The following RGS5 variants were observed in gnomAD, a reference collection of about 807,000 sequenced individuals.
The protein encoded by RGS5 is regulator of G-protein signalling 5.
RGS5 carries 20 observed loss-of-function variants against 18.9 expected under a neutral mutation model. The ratio of observed to expected loss-of-function variants is 1.06; its 90% CI spans 0.74 to 1.54. RGS5 has a LOEUF of 1.54. Among genes scored for constraint, RGS5 ranks in the 40% most tolerant of loss-of-function variants. RGS5 has a pLI of 0.00. For synonymous variants in RGS5, 57 were observed against 76.2 expected (o/e 0.75, Z 1.31); for missense variants, 201 against 211.8 (o/e 0.95, Z 0.32).
chr1:163,275,295 A>G (rs534961707), intron 2 of RGS5, among the ~76,000 whole-genome samples: 1 of 151,504 alleles, frequency 6.6e-6, no homozygotes, highest in Non-Finnish European at 1.5e-5. Context: ...AGGACATTCA[A>G]TAAATCTTCT....
chr1:163,249,182 C>G (rs1648031185), intron 2 of RGS5, among the ~76,000 whole-genome samples: 1 of 151,154 alleles, frequency 6.6e-6, no homozygotes. Flanking sequence ...GATGGAGAAA[C>G]TGGAAGTATT....
At chr1:163,167,853 TAG>T (rs1440025732) in intron 2 of RGS5, among the ~76,000 whole-genome samples, 1 of 152,120 alleles carries the variant, frequency 6.6e-6, no homozygotes, top group African/African-American at 2.4e-5. Context: ...GAAGCAGCTT[TAG>T]ATAGTTCATC....
chr1:163,180,372 C>G (rs551653082), intron 1 of RGS5, among the ~76,000 whole-genome samples: 142 of 152,274 alleles, frequency 9.3e-4, no homozygotes, highest in African/African-American at 3.3e-3. Flanking sequence ...TGCCCATTTT[C>G]CTCTTCCTAT....
At chr1:163,218,630 AAATTTATGT>A (rs1438440404), upstream of RGS5, among the ~76,000 whole-genome samples, 2 of 152,030 alleles carry the variant, frequency 1.3e-5, no homozygotes, top group African/African-American at 4.8e-5. Flanking sequence ...TAGTAAAAAA[AAATTTATGT>A]AAAAATATTC....
chr1:163,220,299 T>C (rs901574318), upstream of RGS5, among the ~76,000 whole-genome samples: 5 of 147,516 alleles, frequency 3.4e-5, no homozygotes, highest in African/African-American at 5.0e-5. Flanking sequence ...TAAATGTTTT[T>C]TTCTGCATCC....
chr1:163,151,676 G>A (rs553531667), intron 4 of RGS5, among the ~76,000 whole-genome samples: 2 of 152,314 alleles, frequency 1.3e-5, no homozygotes, highest in South Asian at 4.2e-4. Context: ...ACCCTGTGAA[G>A]AGGTGCCTTC....
chr1:163,271,537 G>T (rs1213635252), intron 2 of RGS5, among the ~76,000 whole-genome samples: 1 of 152,118 alleles, frequency 6.6e-6, no homozygotes, highest in African/African-American at 2.4e-5. Flanking sequence ...AGAACCATGA[G>T]AAATAAATTT....
At chr1:163,161,826 G>T in intron 3 of RGS5, 89 bp downstream of exon 3, 1 of 971,802 alleles carries the variant, frequency 1.0e-6, no homozygotes, top group Admixed American at 1.9e-5. Context: ...GTCAACATTG[G>T]GGAAGAAGAA....
At chr1:163,149,616 T>C (rs1406149865) in intron 4 of RGS5, among the ~76,000 whole-genome samples, 2 of 152,186 alleles carry the variant, frequency 1.3e-5, no homozygotes, top group Non-Finnish European at 2.9e-5. Flanking sequence ...TCAAATATGG[T>C]CAAATGATAA....
intron 2 of RGS5, among the ~76,000 whole-genome samples, chr1:163,269,746 C>G (rs897003394): frequency 6.6e-6 from 1 of 152,092 alleles, no homozygotes; most frequent in Admixed American, 6.6e-5. Context: ...CTACTATTCA[C>G]CTCATTTGGT....
chr1:163,221,043 T>A (rs573317414), upstream of RGS5, among the ~76,000 whole-genome samples: 4 of 152,316 alleles, frequency 2.6e-5, no homozygotes, highest in Non-Finnish European at 5.9e-5. Flanking sequence ...GTTATAGCAA[T>A]AGTAGGAAGC....
intron 2 of RGS5, among the ~76,000 whole-genome samples, chr1:163,290,189 C>T (rs917488619): frequency 5.9e-5 from 9 of 152,162 alleles, no homozygotes; most frequent in African/African-American, 9.7e-5. Context: ...TAAAACCCCA[C>T]GCATTTCACC....
intron 2 of RGS5, among the ~76,000 whole-genome samples, chr1:163,275,235 T>C (rs1322575316): frequency 3.3e-5 from 5 of 152,318 alleles, no homozygotes; most frequent in Admixed American, 2.6e-4. Flanking sequence ...GGATGTATGG[T>C]AGGCTTGAGC....
chr1:163,282,610 C>T (rs985370254), intron 2 of RGS5, among the ~76,000 whole-genome samples: 1 of 151,902 alleles, frequency 6.6e-6, no homozygotes. Flanking sequence ...CTTAGGAGTC[C>T]GAGGTGGGAA....
intron 2 of RGS5, among the ~76,000 whole-genome samples, chr1:163,251,262 G>C (rs1323736904): frequency 6.6e-6 from 1 of 152,016 alleles, no homozygotes; most frequent in African/African-American, 2.4e-5. Flanking sequence ...CAGTGGAGTG[G>C]AAGTATATAA....
chr1:163,264,435 C>T (rs1201023570), intron 2 of RGS5, among the ~76,000 whole-genome samples: 1 of 152,100 alleles, frequency 6.6e-6, no homozygotes, highest in African/African-American at 2.4e-5. Flanking sequence ...ACACTGTAAA[C>T]TCTAAGTTGA....
chr1:163,173,775 A>C (rs570500541), intron 1 of RGS5, among the ~76,000 whole-genome samples: 1 of 152,178 alleles, frequency 6.6e-6, no homozygotes, highest in Non-Finnish European at 1.5e-5. Flanking sequence ...TAGGTGGAGT[A>C]TAAAAACAAA....
At chr1:163,313,554 G>T (rs1381145547) in intron 1 of RGS5, among the ~76,000 whole-genome samples, 2 of 152,174 alleles carry the variant, frequency 1.3e-5, no homozygotes, top group Non-Finnish European at 2.9e-5. Flanking sequence ...GGCCTAGAAG[G>T]TCTGTGTAAG....
chr1:163,288,160 T>C (rs971837945), intron 2 of RGS5, among the ~76,000 whole-genome samples: 1 of 152,068 alleles, frequency 6.6e-6, no homozygotes. Flanking sequence ...AGGTAATGGA[T>C]ACTGTAGAAC....
Sources: allele counts gnomAD v4.1 joint callset (sites outside exome capture counted in the v4.1 genomes callset), GRCh38; gene constraint gnomAD v4.1.1; transcripts MANE v1.5; gene names NCBI Gene and HGNC (gene_info 2026-07-23, HGNC 2026-07-21).